Variants in FRMD6 observed in about 807,000 individuals in gnomAD.
FRMD6 encodes FERM domain-containing protein 6.
FRMD6 carries 37 observed loss-of-function variants against 73.2 expected under a neutral mutation model. The ratio of observed to expected loss-of-function variants is 0.51; its 90% confidence interval spans 0.39 to 0.66. The LOEUF (loss-of-function observed/expected upper bound fraction) is 0.66. FRMD6 is among the 30% of genes least tolerant of loss of function. FRMD6 has a pLI of 0.00. For missense variants in FRMD6, 714 were observed against 780.5 expected (o/e 0.91, Z 1.02); for synonymous variants, 273 against 282.2 (o/e 0.97, Z 0.33).
chr14:51,718,812 A>AT (rs377596293), intron 10 of FRMD6, among the ~76,000 whole-genome samples: 105 of 147,104 alleles, frequency 7.1e-4, no homozygotes, highest in South Asian at 3.2e-3. Flanking sequence ...TTCTCCAAGC[A>AT]TTTTTTTTTT....
intron 1 of FRMD6, among the ~76,000 whole-genome samples, chr14:51,553,821 G>C (rs1443851112): frequency 6.6e-6 from 1 of 152,188 alleles, no homozygotes; most frequent in Non-Finnish European, 1.5e-5. Flanking sequence ...CGGATGAGGG[G>C]CAGGCTGTGA....
At chr14:51,417,343 C>T in the FRMD6 span, among the ~76,000 whole-genome samples, 11 of 152,140 alleles carry the variant, frequency 7.2e-5, no homozygotes, top group South Asian at 2.1e-4. Flanking sequence ...TTAGGGCAGG[C>T]GTGGTGGTGA....
chr14:51,445,749 C>G, the FRMD6 span, among the ~76,000 whole-genome samples: 1 of 152,172 alleles, frequency 6.6e-6, no homozygotes, highest in South Asian at 2.1e-4. Flanking sequence ...GCAGTTAGCA[C>G]AGAGAAGGCT....
At chr14:51,436,582 C>A in the FRMD6 span, 1 of 613,538 alleles carries the variant, frequency 1.6e-6, no homozygotes, top group Non-Finnish European at 2.8e-6. Context: ...ACAAAACATT[C>A]AAGTTAAACA....
intron 8 of FRMD6, 23 bp from the exon 9 acceptor site, chr14:51,712,460 C>T: frequency 2.1e-6 from 3 of 1,421,972 alleles, no homozygotes; most frequent in East Asian, 2.3e-5. Flanking sequence ...CCCATTAACT[C>T]CATATGCATA....
At chr14:51,399,239 T>A in the FRMD6 span, among the ~76,000 whole-genome samples, 3 of 152,148 alleles carry the variant, frequency 2.0e-5, no homozygotes, top group African/African-American at 7.2e-5. Context: ...TTCCTTCTCC[T>A]CCCCGTCTAT....
chr14:51,681,336 A>G (rs1894780860), intron 1 of FRMD6, among the ~76,000 whole-genome samples: 1 of 152,224 alleles, frequency 6.6e-6, no homozygotes, highest in African/African-American at 2.4e-5. Context: ...TGCAAACAAC[A>G]GTGCTTCCAC....
At chr14:51,607,136 C>T (rs1245098470) in intron 2 of FRMD6, among the ~76,000 whole-genome samples, 4 of 152,148 alleles carry the variant, frequency 2.6e-5, no homozygotes, top group Admixed American at 6.5e-5. Flanking sequence ...CAGACACAGC[C>T]AACACAGTGC....
At chr14:51,467,012 T>C in the FRMD6 span, among the ~76,000 whole-genome samples, 3 of 151,928 alleles carry the variant, frequency 2.0e-5, no homozygotes, top group Non-Finnish European at 2.9e-5. Context: ...GTGTTTCTCG[T>C]AGAGGGGGAT....
chr14:51,702,634 G>A (rs776206489), intron 5 of FRMD6, 46 bp downstream of exon 5: 22 of 1,457,130 alleles, frequency 1.5e-5, no homozygotes, highest in Non-Finnish European at 2.0e-5. Flanking sequence ...TTCCCCCATA[G>A]CACTTTTTCT....
chr14:51,724,005 G>GAT (rs1235272826), intron 12 of FRMD6: 1 of 152,116 alleles, frequency 6.6e-6, no homozygotes, highest in East Asian at 1.9e-4. Flanking sequence ...TAGGGTTATA[G>GAT]ATATAGATGA....
chr14:51,638,303 T>G (rs2140014936), intron 2 of FRMD6, among the ~76,000 whole-genome samples: 1 of 152,114 alleles, frequency 6.6e-6, no homozygotes, highest in Non-Finnish European at 1.5e-5. Context: ...TTTGCCAAAT[T>G]CCTTCCATGG....
At chr14:51,592,360 T>C (rs1889448270) in intron 2 of FRMD6, among the ~76,000 whole-genome samples, 1 of 152,186 alleles carries the variant, frequency 6.6e-6, no homozygotes, top group South Asian at 2.1e-4. Context: ...GTTTTAAAAA[T>C]TATCTGAACT....
rs370120657 is a variant in FRMD6 at position 51,627,553 on chromosome 14, C to A, written c.-147+57143C>A. On this transcript the variant is annotated intron_variant, in intron 2 of 14. Coordinates refer to the FRMD6 transcript ENST00000356218. ...AAAACAGGAGTGGGAGAGCACTGGG[C>A]AGAGATAGGCTGCTGGGCCAAGACA... Among the ~76,000 whole-genome samples the A allele has an allele frequency of 1.2e-4, 18 of 152,060 alleles. No homozygotes were observed. In the South Asian group the frequency reaches 3.7e-3, roughly 32 times the overall value.
At chr14:51,568,177 G>T (rs1566819056) in intron 1 of FRMD6, among the ~76,000 whole-genome samples, 1 of 152,224 alleles carries the variant, frequency 6.6e-6, no homozygotes, top group Non-Finnish European at 1.5e-5. Flanking sequence ...CCATGGAGGT[G>T]ATGTTGTTCC....
chr14:51,466,368 A>G, the FRMD6 span, among the ~76,000 whole-genome samples: 84 of 152,276 alleles, frequency 5.5e-4, no homozygotes, highest in African/African-American at 1.7e-3. Flanking sequence ...ATATTCTTTG[A>G]AAGTTTAATA....
chr14:51,521,495 C>G (rs1017388545), intron 1 of FRMD6, among the ~76,000 whole-genome samples: 1 of 151,742 alleles, frequency 6.6e-6, no homozygotes, highest in Non-Finnish European at 1.5e-5. Context: ...GTACTTAAAT[C>G]TCTAGAAAAC....
intron 2 of FRMD6, among the ~76,000 whole-genome samples, chr14:51,690,326 A>G (rs2140361007): frequency 6.6e-6 from 1 of 152,288 alleles, no homozygotes; most frequent in African/African-American, 2.4e-5. Flanking sequence ...GGCTTTCGCC[A>G]TTGAAAGTAG....
intron 1 of FRMD6, chr14:51,547,843 C>T (rs1886561340): frequency 6.6e-6 from 1 of 151,476 alleles, no homozygotes; most frequent in Non-Finnish European, 1.5e-5. Context: ...GAGCATATTT[C>T]CCGAAGATCT....
Sources: gnomAD v4.1 joint callset for allele counts (sites outside exome capture counted in the v4.1 genomes callset) on GRCh38, gnomAD v4.1.1 for gene constraint, MANE v1.5 for transcripts, NCBI Gene and HGNC (gene_info 2026-07-23, HGNC 2026-07-21) for gene names.